Variants in CERKL observed in about 807,000 individuals in gnomAD.
CERKL encodes CERK like autophagy regulator.
In CERKL, 61 loss-of-function variants were observed where a neutral mutation model predicts 63.4. The observed-to-expected ratio is 0.96, with a 90% CI of 0.78 to 1.19. CERKL has a LOEUF of 1.19. Ranked by LOEUF, CERKL falls within the 50% of genes most tolerant of loss-of-function variation. The probability of loss-of-function intolerance (pLI) is 0.00; values close to 1 mark genes in which losing one functional copy is unlikely to be tolerated. For synonymous variants in CERKL, 250 were observed against 230.5 expected (o/e 1.08, Z -0.77); for missense variants, 675 against 655.5 (o/e 1.03, Z -0.33).
intron 1 of CERKL, among the ~76,000 whole-genome samples, chr2:181,635,150 G>T (rs1170928209): frequency 6.6e-6 from 1 of 152,108 alleles, no homozygotes; most frequent in Admixed American, 6.5e-5. Flanking sequence ...ACCTACAAAG[G>T]TCTTCAAGTG....
At chr2:181,569,942 C>T (rs1051193402) in intron 3 of CERKL, among the ~76,000 whole-genome samples, 2 of 152,064 alleles carry the variant, frequency 1.3e-5, no homozygotes, top group East Asian at 1.9e-4. Flanking sequence ...ACTTGGCTAA[C>T]GGGAATGACG....
intron 10 of CERKL, among the ~76,000 whole-genome samples, chr2:181,545,726 T>A (rs1322573935): frequency 6.6e-6 from 1 of 152,166 alleles, no homozygotes; most frequent in Non-Finnish European, 1.5e-5. Context: ...TCCATCATGC[T>A]TCTTCTTCCC....
In CERKL at chr2:181,573,038, G is replaced by A. The variant is rs187082042; in HGVS notation, c.613+715C>T. On this transcript the variant is annotated intron_variant, in intron 3 of 12. Coordinates refer to ENST00000410087, the MANE Select transcript of CERKL (RefSeq NM_201548.5). ...TTTATTGCAAATTTCCACTGTTAGC[G>A]AAGCCACATAGAAATAAAGCTAGGA... is the stretch of plus-strand genomic sequence containing the variant. 1.3e-4 allele frequency among the ~76,000 whole-genome samples: 19 copies of A among 151,866 alleles called. No individual in the cohort carries two copies. The East Asian group carries it at 2.7e-3, about 22-fold the overall frequency.
rs190802651 is a variant in CERKL, at chr2:181,567,561, T to A, written c.614-1440A>T. Among the ~76,000 whole-genome samples the A allele has an allele frequency of 2.2e-3, 326 of 151,236 alleles. 1 individual carries two copies. Among genetic ancestry groups the A allele is most frequent in the African/African-American group, 7.5e-3 (308 of 41,104 alleles). ...AACCTGCCTGAAAATAGCAATTTTT[T>A]AAGTAACATTGCAAAAGTCCAATAA... On this transcript the variant is annotated intron_variant, in intron 3 of 12. Coordinates refer to ENST00000410087, the MANE Select transcript of CERKL (RefSeq NM_201548.5).
chr2:181,584,556 A>G (rs1176168818), intron 2 of CERKL, among the ~76,000 whole-genome samples: 1 of 152,040 alleles, frequency 6.6e-6, no homozygotes, highest in Non-Finnish European at 1.5e-5. Context: ...GGTAAATGAC[A>G]TGTCTCTGTC....
chr2:181,598,114 T>C (rs185017449), intron 2 of CERKL, among the ~76,000 whole-genome samples: 121 of 152,250 alleles, frequency 7.9e-4, no homozygotes, highest in African/African-American at 2.4e-3. Context: ...GAGTTTTTCA[T>C]GGTTTTCAAG....
intron 2 of CERKL, among the ~76,000 whole-genome samples, chr2:181,588,892 G>A: frequency 6.6e-6 from 1 of 152,116 alleles, no homozygotes. Flanking sequence ...TTCGAGAAAT[G>A]TCTATTCAGA....
At chr2:181,597,997 G>A (rs1026175536) in intron 2 of CERKL, among the ~76,000 whole-genome samples, 4 of 152,172 alleles carry the variant, frequency 2.6e-5, no homozygotes, top group African/African-American at 7.2e-5. Context: ...GTCAAGGAAC[G>A]GATATGGAGA....
chr2:181,561,459 C>T (rs1313526691), intron 4 of CERKL, among the ~76,000 whole-genome samples: 1 of 150,328 alleles, frequency 6.7e-6, no homozygotes, highest in Non-Finnish European at 1.5e-5. Flanking sequence ...GACTTGGTAG[C>T]AATAAGATCC....
chr2:181,653,765 A>C (rs757680334), intron 1 of CERKL, among the ~76,000 whole-genome samples: 5 of 152,192 alleles, frequency 3.3e-5, no homozygotes, highest in Admixed American at 6.5e-5. Flanking sequence ...GGGGAGAAGG[A>C]AGGATGGAGA....
At chr2:181,546,446 C>T (rs984149575) in intron 10 of CERKL, among the ~76,000 whole-genome samples, 2 of 152,098 alleles carry the variant, frequency 1.3e-5, no homozygotes, top group Non-Finnish European at 2.9e-5. Flanking sequence ...CTGAAGGTGT[C>T]GGGGAAAACC....
chr2:181,600,705 A>G (rs762806988), intron 2 of CERKL, among the ~76,000 whole-genome samples: 33 of 152,208 alleles, frequency 2.2e-4, no homozygotes, highest in Non-Finnish European at 2.1e-4. Flanking sequence ...ACCCAGGTTC[A>G]TAAAACAAAT....
intron 3 of CERKL, among the ~76,000 whole-genome samples, chr2:181,572,115 T>C (rs868204009): frequency 6.6e-6 from 1 of 152,008 alleles, no homozygotes; most frequent in Non-Finnish European, 1.5e-5. Context: ...ACACTCTCTC[T>C]CTCCGCCCCC....
intron 1 of CERKL, among the ~76,000 whole-genome samples, chr2:181,647,949 G>A (rs917108433): frequency 1.3e-5 from 2 of 151,792 alleles, no homozygotes; most frequent in African/African-American, 4.8e-5. Flanking sequence ...AGACACAATC[G>A]AGAGCTTCAA....
In CERKL at chr2:181,645,350, T is replaced by C. The variant is rs190921372; in HGVS notation, c.238+11419A>G. 2.0e-5 allele frequency among the ~76,000 whole-genome samples: 3 copies of C among 152,330 alleles called. No individual in the cohort carries two copies. In the East Asian group the frequency reaches 5.8e-4, roughly 29 times the overall value. ...ACAAATTCATTCATTCAATAAATAT[T>C]ATCTATATGCCAGGCACTCTTCAAG... On this transcript the variant is annotated intron_variant, in intron 1 of 12. Coordinates refer to ENST00000410087, the MANE Select transcript of CERKL (RefSeq NM_201548.5).
At chr2:181,637,083 T>C (rs938150561) in intron 1 of CERKL, among the ~76,000 whole-genome samples, 2 of 152,194 alleles carry the variant, frequency 1.3e-5, no homozygotes, top group African/African-American at 4.8e-5. Context: ...ATTTAAACTA[T>C]GCTGAGATAT....
At chr2:181,621,470 C>G (rs555252617) in intron 1 of CERKL, among the ~76,000 whole-genome samples, 6 of 152,150 alleles carry the variant, frequency 3.9e-5, no homozygotes, top group South Asian at 2.1e-4. Flanking sequence ...ATTGAAAAAG[C>G]CTTAAATTGA....
intron 1 of CERKL, chr2:181,649,456 T>C (rs936292135): frequency 7.2e-5 from 11 of 152,162 alleles, no homozygotes; most frequent in Admixed American, 3.3e-4. Context: ...GTAAGAGACT[T>C]TAACAGCCCA....
At chr2:181,569,470 G>T (rs1688807673) in intron 3 of CERKL, among the ~76,000 whole-genome samples, 1 of 152,090 alleles carries the variant, frequency 6.6e-6, no homozygotes, top group South Asian at 2.1e-4. Flanking sequence ...AACAACCAGA[G>T]AAACACTATG....
Sources: allele counts gnomAD v4.1 joint callset (sites outside exome capture counted in the v4.1 genomes callset), GRCh38; gene constraint gnomAD v4.1.1; transcripts MANE v1.5; gene names NCBI Gene and HGNC (gene_info 2026-07-23, HGNC 2026-07-21).